Variants in MPP4 observed in about 807,000 individuals in gnomAD.
The protein encoded by MPP4 is MAGUK p55 scaffold protein 4.
A neutral mutation model predicts 98.3 loss-of-function variants in MPP4; 91 were observed. The observed-to-expected ratio is 0.93, with a 90% CI of 0.78 to 1.10. The LOEUF is 1.10. MPP4 is among the 50% of genes least tolerant of loss of function. The pLI is 0.00. For missense variants in MPP4, 744 were observed against 792.9 expected, an observed-to-expected ratio of 0.94 and a Z score of 0.74; for synonymous variants, 261 against 271.8, an observed-to-expected ratio of 0.96 and a Z score of 0.39.
intron 1 of MPP4, 91 bp from the exon 2 acceptor site, chr2:201,694,145 G>A: frequency 2.4e-6 from 3 of 1,270,994 alleles, no homozygotes; most frequent in Non-Finnish European, 3.2e-6. Flanking sequence ...GTCTTCCCCT[G>A]TGGTGCCTAC....
At chr2:201,690,141 A>C (rs770077574) in intron 4 of MPP4, 61 bp downstream of exon 4, 3 of 1,074,472 alleles carry the variant, frequency 2.8e-6, no homozygotes, top group African/African-American at 3.1e-5. Context: ...TTGAACTAGC[A>C]ATGTGGGGAA....
In MPP4 at chr2:201,650,145, T is replaced by A. The variant is rs774909922; in HGVS notation, c.1402A>T (p.Ser468Cys). ...TACTCACGCCCATTCATTTCGTAAC[T>A]CTTTTTAGTACGAGTAGTGTCTATC... is the stretch of plus-strand genomic sequence containing the variant. ...AVPHTTRTKK[S>C]YEMNGREYHY... The change falls in exon 19 of 22, where the codon AGT (serine) becomes TGT (cysteine). Residue 468 changes from serine (S) to cysteine (C), a missense_variant. Coordinates refer to ENST00000409474, the MANE Select transcript of MPP4 (RefSeq NM_033066.3). The A allele has an allele frequency of 9.5e-6, 15 of 1,574,742 alleles. No homozygotes were observed. In the South Asian group the frequency reaches 1.3e-4, roughly 13 times the overall value.
At chr2:201,652,100 C>T (rs1201785929) in intron 18 of MPP4, 14 of 748,798 alleles carry the variant, frequency 1.9e-5, no homozygotes, top group Non-Finnish European at 2.1e-5. Flanking sequence ...GATCATAAAG[C>T]AACTTCTTGG....
intron 12 of MPP4, among the ~76,000 whole-genome samples, chr2:201,668,437 G>A (rs2882230): frequency 0.33 from 48,564 of 148,222 alleles, 9,108 homozygotes; most frequent in Non-Finnish European, 0.42. Flanking sequence ...CAGATCAATC[G>A]ATCTCTCTCT....
Position 201,687,274 on chromosome 2 carries a change from T to C in MPP4, c.360+17A>G, listed in dbSNP as rs1162944505. The C allele has an allele frequency of 1.9e-6, 3 of 1,560,104 alleles. No homozygotes were observed. The highest frequency in any genetic ancestry group is 2.7e-5 in the African/African-American group (2 of 73,590). ...GTGCCAGATGGGGACATCTTTTCTA[T>C]TTTAGCAGGCACTTGCCTTGAAGTG... On this transcript the variant is annotated intron_variant, in intron 5 of 21. Coordinates refer to ENST00000409474, the MANE Select transcript of MPP4 (RefSeq NM_033066.3).
intron 14 of MPP4, chr2:201,661,374 G>A (rs1688020187): frequency 4.4e-6 from 2 of 456,324 alleles, no homozygotes; most frequent in South Asian, 3.1e-5. Context: ...CTAAGTAACA[G>A]AATTAAGCAT....
chr2:201,684,614 C>A (rs1033452817), intron 7 of MPP4, among the ~76,000 whole-genome samples: 1 of 152,094 alleles, frequency 6.6e-6, no homozygotes, highest in East Asian at 1.9e-4. Context: ...ACTGCTTTAT[C>A]CAAGAAATGG....
Position 201,654,914 on chromosome 2 carries a change from G to T in MPP4, c.1304C>A (p.Pro435His). 2.5e-6 allele frequency: 4 copies of T among 1,593,376 alleles called. No homozygotes were observed. The highest frequency in any genetic ancestry group is 3.4e-6 in the Non-Finnish European group (4 of 1,169,792). Residue 435 changes from proline (P) to histidine (H), a missense_variant, in exon 18 of 22, where the codon CCC (proline) becomes CAC (histidine). Transcript: ENST00000409474. ...GAGCTCATTTACTCCAACACCAGAG[G>T]GTCCTAAACACAAAAAGTCACACAC... is the stretch of plus-strand genomic sequence containing the variant. The part of the protein sequence containing the change: ...DKYRLIVLMG[P>H]SGVGVNELRR...
At chr2:201,690,073 A>G in intron 4 of MPP4, 129 bp downstream of exon 4, 1 of 529,540 alleles carries the variant, frequency 1.9e-6, no homozygotes, top group Non-Finnish European at 3.3e-6. Context: ...GTTCAATTAG[A>G]AACATTTATT....
chr2:201,670,787 A>G (rs758373746), intron 11 of MPP4, among the ~76,000 whole-genome samples: 4 of 152,262 alleles, frequency 2.6e-5, no homozygotes, highest in Non-Finnish European at 5.9e-5. Flanking sequence ...GAATAGGAAT[A>G]GCTCTGGTCT....
intron 16 of MPP4, among the ~76,000 whole-genome samples, chr2:201,657,030 A>G (rs1687865805): frequency 6.6e-6 from 1 of 152,194 alleles, no homozygotes; most frequent in South Asian, 2.1e-4. Context: ...TGGAAGTGTG[A>G]TGGGAAGCTG....
intron 1 of MPP4, chr2:201,698,211 T>A (rs1274505631): frequency 1.9e-6 from 1 of 525,728 alleles, no homozygotes; most frequent in African/African-American, 2.1e-5. Flanking sequence ...CTTACTATGC[T>A]TGTTTTTCAA....
chr2:201,697,774 GA>G (rs1375153959), intron 1 of MPP4, among the ~76,000 whole-genome samples: 1 of 152,216 alleles, frequency 6.6e-6, no homozygotes, highest in Non-Finnish European at 1.5e-5. Context: ...GGATCTTAGA[GA>G]TAATCAAATG....
At chr2:201,668,180 C>T (rs897962350) in intron 12 of MPP4, among the ~76,000 whole-genome samples, 16 of 152,070 alleles carry the variant, frequency 1.1e-4, no homozygotes, top group African/African-American at 3.1e-4. Context: ...ACTTTTCTGA[C>T]GCTTGACTCT....
chr2:201,670,206 A>T (rs1489332773), intron 11 of MPP4, among the ~76,000 whole-genome samples: 1 of 152,224 alleles, frequency 6.6e-6, no homozygotes, highest in Non-Finnish European at 1.5e-5. Context: ...AATCATCTGC[A>T]AACTAACATC....
In MPP4 at chr2:201,680,959, A is replaced by G. The variant is rs751521547; in HGVS notation, c.808T>C (p.Phe270Leu). Reference sequence around the variant, plus strand: ...ATCTGGAGGATGTCCCCCTTCTGGAAAGGCAATCCAGCGTCCATGCAGGGG... The same window carrying G: ...ATCTGGAGGATGTCCCCCTTCTGGAGAGGCAATCCAGCGTCCATGCAGGGG... Reference protein sequence around the residue: ...DIPCMDAGLPFQKGDILQIVD... With the variant: ...DIPCMDAGLPLQKGDILQIVD... Residue 270 changes from phenylalanine (F) to leucine (L), a missense_variant, in exon 10 of 22, where the codon TTC (phenylalanine) becomes CTC (leucine). By Grantham distance (22) the Phe-to-Leu change is conservative. Coordinates refer to ENST00000409474, the MANE Select transcript of MPP4 (RefSeq NM_033066.3). The G allele has an allele frequency of 6.9e-5, 112 of 1,613,796 alleles. No individual in the cohort carries two copies. The highest frequency in any genetic ancestry group is 9.2e-5 in the Non-Finnish European group (109 of 1,179,872).
intron 18 of MPP4, chr2:201,651,024 GA>G (rs751429840): frequency 1.0e-6 from 1 of 985,090 alleles, no homozygotes; most frequent in Non-Finnish European, 1.2e-6. Context: ...GTTAGGTTCT[GA>G]AAACACAAAG....
chr2:201,690,586 T>C (rs552880035), intron 3 of MPP4, among the ~76,000 whole-genome samples: 1 of 152,284 alleles, frequency 6.6e-6, no homozygotes, highest in African/African-American at 2.4e-5. Flanking sequence ...GTAGGGTGTC[T>C]GGGACTGAAA....
chr2:201,687,208 AT>A, intron 5 of MPP4, 82 bp downstream of exon 5: 2 of 1,142,778 alleles, frequency 1.8e-6, no homozygotes, highest in Non-Finnish European at 2.6e-6. Flanking sequence ...CAGAGAGAAC[AT>A]TTTCCATCAC....
Sources: allele counts gnomAD v4.1 joint callset (sites outside exome capture counted in the v4.1 genomes callset), GRCh38; gene constraint gnomAD v4.1.1; transcripts MANE v1.5; gene names NCBI Gene and HGNC (gene_info 2026-07-23, HGNC 2026-07-21).